The following ITGB3 variants were observed in gnomAD, a reference collection of about 807,000 sequenced individuals.
ITGB3 encodes the protein integrin subunit beta 3, also known as integrin beta-3.
ITGB3 carries 48 observed loss-of-function variants against 85.8 expected under a neutral mutation model. The ratio of observed to expected loss-of-function variants is 0.56; its 90% CI spans 0.44 to 0.71. The LOEUF (loss-of-function observed/expected upper bound fraction) is 0.71, where lower values mean the gene tolerates loss of function less well. Ranked by LOEUF, ITGB3 falls within the 30% of genes least tolerant of loss-of-function variation. ITGB3 has a pLI of 0.00. For synonymous variants in ITGB3, 363 were observed against 395.6 expected (o/e 0.92, Z 0.98); for missense variants, 861 against 1,019.1 (o/e 0.84, Z 2.11).
At chr17:47,308,516 T>C (rs898923351) in intron 14 of ITGB3, among the ~76,000 whole-genome samples, 1 of 149,990 alleles carries the variant, frequency 6.7e-6, no homozygotes, top group African/African-American at 2.4e-5. Flanking sequence ...TTTCTTTCTC[T>C]TTTTTTTTGG....
At chr17:47,254,014 GC>G in intron 1 of ITGB3, 74 bp downstream of exon 1, 1 of 989,108 alleles carries the variant, frequency 1.0e-6, no homozygotes, top group Non-Finnish European at 1.4e-6. Context: ...CGGACTTGGA[GC>G]CGGCAAACGC....
intron 1 of ITGB3, among the ~76,000 whole-genome samples, chr17:47,268,724 C>T (rs1332195814): frequency 2.0e-5 from 3 of 152,208 alleles, no homozygotes; most frequent in Admixed American, 6.5e-5. Flanking sequence ...GTGGCTTTTC[C>T]AGGCACATGG....
chr17:47,276,845 G>A (rs1293658840), intron 2 of ITGB3, among the ~76,000 whole-genome samples: 1 of 152,164 alleles, frequency 6.6e-6, no homozygotes, highest in African/African-American at 2.4e-5. Flanking sequence ...AAAAACCAAA[G>A]GTGAACTGGC....
At chr17:47,297,319 A>G (rs992982432) in intron 10 of ITGB3, among the ~76,000 whole-genome samples, 6 of 152,144 alleles carry the variant, frequency 3.9e-5, no homozygotes, top group Admixed American at 2.0e-4. Context: ...TCTGACCTCA[A>G]AGGGTTGTTA....
At chr17:47,302,667 C>G in intron 12 of ITGB3, 54 bp from the exon 13 acceptor site, 1 of 1,610,732 alleles carries the variant, frequency 6.2e-7, no homozygotes, top group Non-Finnish European at 8.5e-7. Context: ...TTGGAGTGGT[C>G]CCATCTTCCA....
chr17:47,272,833 G>T (rs1462183892), intron 1 of ITGB3, among the ~76,000 whole-genome samples: 1 of 151,230 alleles, frequency 6.6e-6, no homozygotes, highest in Admixed American at 6.6e-5. Flanking sequence ...GAGTGCAGTG[G>T]CATGATCTCA....
chr17:47,306,156 G>T (rs2065187117), intron 13 of ITGB3, among the ~76,000 whole-genome samples: 1 of 152,214 alleles, frequency 6.6e-6, no homozygotes, highest in Non-Finnish European at 1.5e-5. Flanking sequence ...AGAGAAGGGA[G>T]AGTGGTGGGG....
intron 13 of ITGB3, chr17:47,303,688 TCCATC>T (rs1428657725): frequency 6.6e-6 from 1 of 152,182 alleles, no homozygotes; most frequent in Non-Finnish European, 1.5e-5. Context: ...GCAGGAGGAA[TCCATC>T]CCATCATACA....
chr17:47,301,344 C>G (rs2065166678), intron 12 of ITGB3, among the ~76,000 whole-genome samples: 1 of 152,176 alleles, frequency 6.6e-6, no homozygotes, highest in Non-Finnish European at 1.5e-5. Flanking sequence ...AAACACATTT[C>G]AGAGAGAGCC....
At chr17:47,258,748 C>A (rs2064999224) in intron 1 of ITGB3, among the ~76,000 whole-genome samples, 1 of 152,134 alleles carries the variant, frequency 6.6e-6, no homozygotes, top group Non-Finnish European at 1.5e-5. Flanking sequence ...AGGTGCCCCC[C>A]CAGCTCTTTT....
At chr17:47,304,610 T>G in intron 13 of ITGB3, among the ~76,000 whole-genome samples, 1 of 152,170 alleles carries the variant, frequency 6.6e-6, no homozygotes, top group Non-Finnish European at 1.5e-5. Context: ...TTTGTTTTTG[T>G]TTTTGTTTTT....
chr17:47,304,701 A>G (rs1300222841), intron 13 of ITGB3, among the ~76,000 whole-genome samples: 1 of 152,028 alleles, frequency 6.6e-6, no homozygotes, highest in Admixed American at 6.5e-5. Flanking sequence ...TCTGCCTCCC[A>G]GGTTCAAGCA....
At chr17:47,258,807 A>G (rs1323808239) in intron 1 of ITGB3, among the ~76,000 whole-genome samples, 2 of 152,134 alleles carry the variant, frequency 1.3e-5, no homozygotes. Context: ...CTGCTGATCT[A>G]TTTCCTGTCC....
At chr17:47,274,154 G>A (rs887953913) in intron 1 of ITGB3, among the ~76,000 whole-genome samples, 15 of 152,162 alleles carry the variant, frequency 9.9e-5, no homozygotes, top group African/African-American at 3.4e-4. Flanking sequence ...TGAGACTTGC[G>A]TCCATGGCTC....
chr17:47,310,197 G>T lies in ITGB3; in HGVS notation c.2360G>T (p.Gly787Val), dbSNP rs771030070. 3 of 1,613,766 alleles carry T rather than the reference G, an allele frequency of 1.9e-6. No individual in the cohort carries two copies. The highest frequency in any genetic ancestry group is 2.5e-6 in the Non-Finnish European group (3 of 1,179,746). The change falls in exon 15 of 15, where the codon GGC (glycine) becomes GTC (valine). Residue 787 changes from glycine to valine, a missense_variant. Coordinates refer to ENST00000559488, the MANE Select transcript of ITGB3 (RefSeq NM_000212.3). The part of the protein sequence containing the change: ...TSTFTNITYR[G>V]T ...ACCTTCACCAATATCACGTACCGGG[G>T]CACTTAATGATAAGCAGTCATCCTC...
At chr17:47,301,253 G>A (rs940558837) in intron 12 of ITGB3, among the ~76,000 whole-genome samples, 1 of 152,140 alleles carries the variant, frequency 6.6e-6, no homozygotes, top group African/African-American at 2.4e-5. Context: ...TAGTTATGTG[G>A]GCCAGCGAGG....
intron 10 of ITGB3, among the ~76,000 whole-genome samples, chr17:47,293,005 T>G (rs933256796): frequency 6.6e-6 from 1 of 152,218 alleles, no homozygotes; most frequent in African/African-American, 2.4e-5. Context: ...GGATTCTAGA[T>G]CTTTGCTATC....
In ITGB3 at chr17:47,310,567, A is replaced by C. The variant is rs1645688325; in HGVS notation, c.*363A>C. 5.4e-6 allele frequency: 2 copies of C among 368,440 alleles called. No homozygotes were observed. Among genetic ancestry groups the C allele is most frequent in the Admixed American group, 3.7e-5 (1 of 26,976 alleles). The allele number at this position is 368,440 out of a possible 1,614,324, so 22.8% of individuals were successfully genotyped here. ...CCTCAGTGAGAAGCCAGCTTTCCTC[A>C]TCAGGCCATTGTCCCTGAAGAGAAG... On this transcript the variant is annotated 3_prime_UTR_variant, in exon 15 of 15. Coordinates refer to ENST00000559488, the MANE Select transcript of ITGB3 (RefSeq NM_000212.3).
chr17:47,278,124 T>C (rs2065070107), intron 2 of ITGB3, among the ~76,000 whole-genome samples: 1 of 152,188 alleles, frequency 6.6e-6, no homozygotes, highest in African/African-American at 2.4e-5. Context: ...TTCATTCTTT[T>C]CTCTTTGCAT....
Sources: allele counts gnomAD v4.1 joint callset (sites outside exome capture counted in the v4.1 genomes callset), GRCh38; gene constraint gnomAD v4.1.1; transcripts MANE v1.5; gene names NCBI Gene and HGNC (gene_info 2026-07-23, HGNC 2026-07-21).